FAM227B: variants seen among roughly 807,000 people sequenced by gnomAD.
FAM227B encodes the protein family with sequence similarity 227 member B.
FAM227B carries 88 observed loss-of-function variants against 73.8 expected under a neutral mutation model. The observed-to-expected ratio is 1.19, with a 90% CI of 1.00 to 1.42. FAM227B has a LOEUF of 1.42. Ranked by LOEUF, FAM227B falls within the 40% of genes most tolerant of loss-of-function variation. The pLI is 0.00. For synonymous variants in FAM227B, 210 were observed against 190.5 expected, an observed-to-expected ratio of 1.10 and a Z score of -0.84; for missense variants, 632 against 590.9, an observed-to-expected ratio of 1.07 and a Z score of -0.72.
intron 11 of FAM227B, among the ~76,000 whole-genome samples, chr15:49,471,513 A>ATAC (rs1286257495): frequency 1.4e-5 from 2 of 148,082 alleles, no homozygotes; most frequent in African/African-American, 4.9e-5. Flanking sequence ...AATAATAATA[A>ATAC]TAATAATAAT....
At chr15:49,495,900 G>A (rs946460124) in intron 11 of FAM227B, among the ~76,000 whole-genome samples, 2 of 152,092 alleles carry the variant, frequency 1.3e-5, no homozygotes, top group Non-Finnish European at 2.9e-5. Context: ...GTGCATGCCT[G>A]TAGTCCCAGC....
At chr15:49,532,436 T>C (rs1157303118) in intron 10 of FAM227B, among the ~76,000 whole-genome samples, 2 of 151,772 alleles carry the variant, frequency 1.3e-5, no homozygotes, top group Non-Finnish European at 2.9e-5. Flanking sequence ...AAACAATCAT[T>C]TAAAAAGACT....
At chr15:49,433,680 CTA>C (rs1327914457) in intron 11 of FAM227B, among the ~76,000 whole-genome samples, 1 of 151,546 alleles carries the variant, frequency 6.6e-6, no homozygotes, top group Non-Finnish European at 1.5e-5. Flanking sequence ...TAGAGGCCAA[CTA>C]TATAAGCAGA....
At chr15:49,566,650 T>C (rs1330791280) in intron 9 of FAM227B, among the ~76,000 whole-genome samples, 2 of 152,162 alleles carry the variant, frequency 1.3e-5, no homozygotes, top group African/African-American at 2.4e-5. Context: ...TTAAAAATAA[T>C]TGAAATTATG....
chr15:49,615,311 C>G, intron 1 of FAM227B, 68 bp from the exon 2 acceptor site: 1 of 726,564 alleles, frequency 1.4e-6, no homozygotes, highest in Non-Finnish European at 2.5e-6. Context: ...TCCCCTCACC[C>G]ACAAACCTCA....
At chr15:49,536,073 A>T (rs2070196290) in intron 10 of FAM227B, among the ~76,000 whole-genome samples, 1 of 5,558 alleles carries the variant, frequency 1.8e-4, no homozygotes, top group Non-Finnish European at 1.5e-3. Flanking sequence ...GCAATCAGAC[A>T]AAAAAAAAAA....
intron 9 of FAM227B, among the ~76,000 whole-genome samples, chr15:49,549,888 C>T (rs1403153150): frequency 8.0e-5 from 12 of 149,802 alleles, no homozygotes; most frequent in South Asian, 2.1e-4. Flanking sequence ...ACTTCCCAGA[C>T]GGGGTGGTTG....
chr15:49,449,448 A>G (rs540967925), intron 11 of FAM227B, among the ~76,000 whole-genome samples: 1 of 152,132 alleles, frequency 6.6e-6, no homozygotes, highest in South Asian at 2.1e-4. Flanking sequence ...ACACTTAAAC[A>G]TGATTTCTCA....
chr15:49,385,508 T>A (rs1419133398), intron 11 of FAM227B, among the ~76,000 whole-genome samples: 3 of 150,378 alleles, frequency 2.0e-5, no homozygotes, highest in Non-Finnish European at 3.0e-5. Context: ...ATAAAAGGGG[T>A]TCTAAGCCTT....
intron 2 of FAM227B, among the ~76,000 whole-genome samples, chr15:49,612,685 A>G (rs1159331414): frequency 6.6e-6 from 1 of 152,216 alleles, no homozygotes; most frequent in African/African-American, 2.4e-5. Context: ...ATCCATGATG[A>G]TATCACTGAA....
At chr15:49,452,391 A>G (rs890873296) in intron 11 of FAM227B, among the ~76,000 whole-genome samples, 11 of 152,102 alleles carry the variant, frequency 7.2e-5, no homozygotes, top group Non-Finnish European at 1.5e-4. Context: ...TTACTATTTC[A>G]TATTTGTGAA....
At chr15:49,470,392 A>G (rs961705731) in intron 11 of FAM227B, among the ~76,000 whole-genome samples, 1 of 152,190 alleles carries the variant, frequency 6.6e-6, no homozygotes, top group Non-Finnish European at 1.5e-5. Flanking sequence ...TTGATCCTAC[A>G]TATCTAGTAC....
At chr15:49,591,029 GTTTTTTTTTTTTTTGATTTT>G (rs1454845976) in intron 3 of FAM227B, among the ~76,000 whole-genome samples, 32 of 105,608 alleles carry the variant, frequency 3.0e-4, no homozygotes, top group Admixed American at 6.8e-4. Context: ...TCTTTTTTTT[GTTTTTTTTTTTTTTGATTTT>G]TTTTTTTTTT....
At chr15:49,405,148 AG>A (rs1453218363) in intron 11 of FAM227B, among the ~76,000 whole-genome samples, 1 of 152,066 alleles carries the variant, frequency 6.6e-6, no homozygotes, top group Non-Finnish European at 1.5e-5. Flanking sequence ...TTCCCTTTGT[AG>A]GTGACCTGAT....
intron 2 of FAM227B, 131 bp from the exon 3 acceptor site, chr15:49,611,399 C>T (rs949943919): frequency 1.1e-5 from 6 of 522,602 alleles, no homozygotes; most frequent in Non-Finnish European, 2.0e-5. Context: ...TCATAAAATG[C>T]TCACTTTATA....
intron 14 of FAM227B, among the ~76,000 whole-genome samples, chr15:49,333,348 C>T (rs539692209): frequency 2.0e-5 from 3 of 152,230 alleles, no homozygotes; most frequent in East Asian, 1.9e-4. Flanking sequence ...TTAACAAGCA[C>T]GTGAGATTTA....
rs1348869631 is a variant in FAM227B, at chr15:49,358,057, T to C, written c.1271+9391A>G. Among the ~76,000 whole-genome samples the C allele has an allele frequency of 3.3e-5, 5 of 152,232 alleles. No homozygotes were observed. In the East Asian group the frequency reaches 9.7e-4, roughly 29 times the overall value. On this transcript the variant is annotated intron_variant, in intron 13 of 15. Transcript: ENST00000299338. Reference sequence around the variant, plus strand: ...CAACAACCCTTCATGCTAAAAGCTATCAATAAATTAGGTATTGATGGGACG... The same window carrying C: ...CAACAACCCTTCATGCTAAAAGCTACCAATAAATTAGGTATTGATGGGACG...
intron 9 of FAM227B, among the ~76,000 whole-genome samples, chr15:49,547,156 A>C (rs1165354841): frequency 6.6e-6 from 1 of 152,222 alleles, no homozygotes; most frequent in Non-Finnish European, 1.5e-5. Flanking sequence ...TTTTCAGCCC[A>C]GAATCTCATA....
intron 11 of FAM227B, among the ~76,000 whole-genome samples, chr15:49,400,962 A>C (rs2048095088): frequency 6.9e-6 from 1 of 145,048 alleles, no homozygotes. Flanking sequence ...ATGTCTAAAC[A>C]CCAAAAGCAA....
Sources: allele counts gnomAD v4.1 joint callset (sites outside exome capture counted in the v4.1 genomes callset), GRCh38; gene constraint gnomAD v4.1.1; transcripts MANE v1.5; gene names NCBI Gene and HGNC (gene_info 2026-07-23, HGNC 2026-07-21).